PRMT8: variants seen among roughly 807,000 people sequenced by gnomAD.
The protein encoded by PRMT8 is protein arginine methyltransferase 8, also known as protein arginine N-methyltransferase 8.
Under a neutral mutation model 47.1 loss-of-function variants are expected in PRMT8, and 7 were observed. The ratio of observed to expected loss-of-function variants is 0.15; its 90% CI spans 0.08 to 0.28. The LOEUF (loss-of-function observed/expected upper bound fraction) is 0.28. Among genes scored for constraint, PRMT8 ranks in the 10% least tolerant of loss-of-function variants. The pLI, the probability that PRMT8 is intolerant of heterozygous loss-of-function variation, is 1.00. For synonymous variants in PRMT8, 188 were observed against 186.5 expected (o/e 1.01, Z -0.07); for missense variants, 237 against 505.4 (o/e 0.47, Z 5.09).
In PRMT8 at chr12:3,565,814, T is replaced by C. The variant is rs1447655702; in HGVS notation, c.482-2892T>C. Among the ~76,000 whole-genome samples, 5 of 152,170 alleles carry C rather than the reference T, an allele frequency of 3.3e-5. No individual in the cohort carries two copies. In the South Asian group the frequency reaches 6.2e-4, roughly 19 times the overall value. On this transcript the variant is annotated intron_variant, in intron 4 of 9. Transcript: ENST00000382622. The stretch of plus-strand genomic sequence containing the variant: ...GCAGTAACTCTCTTTGGGGGACACC[T>C]GAGGAATATTTCATACATACCTGTT...
intron 6 of PRMT8, among the ~76,000 whole-genome samples, chr12:3,575,299 C>T (rs924260917): frequency 4.6e-5 from 7 of 152,152 alleles, no homozygotes; most frequent in African/African-American, 7.2e-5. Flanking sequence ...ACATACGTTC[C>T]CTAAGGTCCT....
chr12:3,528,932 A>G (rs1865985289), intron 1 of PRMT8, among the ~76,000 whole-genome samples: 1 of 152,172 alleles, frequency 6.6e-6, no homozygotes, highest in Non-Finnish European at 1.5e-5. Context: ...TGAATTATGA[A>G]GTTTTTACTC....
chr12:3,526,870 T>C (rs1345968039), intron 1 of PRMT8, among the ~76,000 whole-genome samples: 2 of 152,212 alleles, frequency 1.3e-5, no homozygotes, highest in Non-Finnish European at 2.9e-5. Context: ...TTTAAGCTTT[T>C]ATTATGTTAA....
At chr12:3,513,772 G>T (rs1299034626) in intron 1 of PRMT8, among the ~76,000 whole-genome samples, 1 of 152,184 alleles carries the variant, frequency 6.6e-6, no homozygotes, top group Non-Finnish European at 1.5e-5. Context: ...CAGAATATGG[G>T]TATAGAGAGC....
At chr12:3,429,006 C>G (rs1864642162) in intron 1 of PRMT8, among the ~76,000 whole-genome samples, 1 of 152,116 alleles carries the variant, frequency 6.6e-6, no homozygotes, top group Non-Finnish European at 1.5e-5. Context: ...GTCTCTTCCT[C>G]TCTCTCTGAC....
At chr12:3,419,326 C>T (rs1403264301) in intron 1 of PRMT8, among the ~76,000 whole-genome samples, 2 of 152,208 alleles carry the variant, frequency 1.3e-5, no homozygotes, top group Admixed American at 1.3e-4. Flanking sequence ...CTACAGCCTT[C>T]AGCTGGAGGA....
intron 1 of PRMT8, among the ~76,000 whole-genome samples, chr12:3,498,021 T>C (rs1865534806): frequency 6.6e-6 from 1 of 152,238 alleles, no homozygotes; most frequent in Non-Finnish European, 1.5e-5. Context: ...GTGCCAACTT[T>C]CTGGTATATC....
At chr12:3,531,954 A>G (rs1251963765) in intron 1 of PRMT8, among the ~76,000 whole-genome samples, 1 of 152,138 alleles carries the variant, frequency 6.6e-6, no homozygotes, top group Admixed American at 6.5e-5. Context: ...AGAAGGCCTG[A>G]AGCTGTCCTC....
intron 1 of PRMT8, among the ~76,000 whole-genome samples, chr12:3,467,245 A>G (rs1865109281): frequency 6.7e-6 from 1 of 150,018 alleles, no homozygotes. Flanking sequence ...ATCTCAAAAA[A>G]AAAAAAAAAA....
Position 3,535,550 on chromosome 12 carries a change from A to G in PRMT8, c.76-5056A>G, listed in dbSNP as rs1267943312. On this transcript the variant is annotated intron_variant, in intron 1 of 9. Transcript: ENST00000382622. This position sits in a 1 kb window ranked among gnomAD's most constrained non-coding sequence, Gnocchi z 4.7. ...GACGGAGGTGGGGAAAGAGCAAGGC[A>G]GGGTGCTTTCTCTGCCCTGGGGCCC... 6.6e-6 allele frequency among the ~76,000 whole-genome samples: 1 copy of G among 152,008 alleles called. No individual in the cohort carries two copies. The highest frequency in any genetic ancestry group is 2.4e-5 in the African/African-American group (1 of 41,420).
rs368732905 is a variant in PRMT8 at position 3,436,816 on chromosome 12, C to T, written c.48+55374C>T. Among the ~76,000 whole-genome samples the T allele has an allele frequency of 2.0e-4, 31 of 152,318 alleles. No individual in the cohort carries two copies. The South Asian group carries it at 3.5e-3, about 17-fold the overall frequency. On this transcript the variant is annotated intron_variant, in intron 1 of 9. Transcript: ENST00000452611. This position sits in a 1 kb window ranked among gnomAD's most constrained non-coding sequence, Gnocchi z 4.2. ...GAAGCGGATCCAGCAGGCAAGGCTG[C>T]GATTTCTCTCTACTGATGCTGTGGC...
In PRMT8 at chr12:3,593,771, C is replaced by G. The variant is rs1867368155; in HGVS notation, c.*589C>G. On this transcript the variant is annotated 3_prime_UTR_variant, in exon 10 of 10. Transcript: ENST00000382622. The surrounding 1 kb of genome is among the most constrained non-coding windows in gnomAD (Gnocchi z 4.8). ...GCGCGTGTGCCTAGAATATATATTA[C>G]TCTCAGAGGAGATTCTGTTGCTTTT... 6.5e-6 allele frequency: 1 copy of G among 153,176 alleles called. No homozygotes were observed. Among genetic ancestry groups the G allele is most frequent in the Admixed American group, 6.5e-5 (1 of 15,288 alleles). 9.5% of individuals were successfully genotyped at this position (153,176 alleles called of 1,614,324 possible). A position where few individuals can be genotyped will look rare whatever the true frequency, so the allele number is the denominator to read the frequency against.
chr12:3,420,817 C>T (rs6489464), intron 1 of PRMT8, among the ~76,000 whole-genome samples: 10,595 of 152,242 alleles, frequency 0.07, 418 homozygotes, highest in African/African-American at 0.11. Context: ...TAGATGAAAT[C>T]GAGTCTTGAC....
At chr12:3,431,754 G>T (rs1278408949) in intron 1 of PRMT8, among the ~76,000 whole-genome samples, 1 of 152,216 alleles carries the variant, frequency 6.6e-6, no homozygotes, top group Non-Finnish European at 1.5e-5. Flanking sequence ...TGAGCCAAGG[G>T]TTGTGAACTG....
intron 1 of PRMT8, among the ~76,000 whole-genome samples, chr12:3,534,301 T>G (rs1010364831): frequency 6.6e-6 from 1 of 152,256 alleles, no homozygotes; most frequent in South Asian, 2.1e-4. Flanking sequence ...AAGCTTGGGC[T>G]GGTGCCAGCA....
At chr12:3,546,081 A>G (rs1866323901) in intron 2 of PRMT8, among the ~76,000 whole-genome samples, 4 of 152,232 alleles carry the variant, frequency 2.6e-5, no homozygotes, top group Admixed American at 2.6e-4. Context: ...AGTAGGCAGC[A>G]CTCTGCTAAA....
chr12:3,417,314 G>T (rs528074285), intron 1 of PRMT8, among the ~76,000 whole-genome samples: 1 of 152,222 alleles, frequency 6.6e-6, no homozygotes, highest in East Asian at 1.9e-4. Context: ...AACAAATCTT[G>T]CCTTCCCTGG....
At chr12:3,591,242 A>G (rs1277275380) in intron 8 of PRMT8, among the ~76,000 whole-genome samples, 2 of 152,090 alleles carry the variant, frequency 1.3e-5, no homozygotes, top group Non-Finnish European at 2.9e-5. Flanking sequence ...GCTTTGGGTC[A>G]TACAGGATGA....
At position 3,552,393 on chromosome 12, in the gene PRMT8, T is replaced by C. The variant is rs876594; in HGVS notation, c.418-1258T>C. 92,409 of 205,736 alleles carry C rather than the reference T, an allele frequency of 0.45. 21,326 individuals carry two copies. The highest frequency in any genetic ancestry group is 0.63 in the East Asian group (4,447 of 7,066). 12.7% of individuals were successfully genotyped at this position (205,736 alleles called of 1,614,324 possible). Reference sequence around the variant, plus strand: ...TTTACCCTCACACACTCACGTGCATTGGGGGCTTCGACTTCTCTCGGGAGG... The same window carrying C: ...TTTACCCTCACACACTCACGTGCATCGGGGGCTTCGACTTCTCTCGGGAGG... On this transcript the variant is annotated intron_variant, in intron 3 of 9. Coordinates refer to ENST00000382622, the MANE Select transcript of PRMT8 (RefSeq NM_019854.5). This position sits in a 1 kb window ranked among gnomAD's most constrained non-coding sequence, Gnocchi z 4.5.
Sources: allele counts gnomAD v4.1 joint callset (sites outside exome capture counted in the v4.1 genomes callset), GRCh38; gene constraint gnomAD v4.1.1; non-coding constraint Gnocchi (gnomAD v3.1); transcripts MANE v1.5; gene names NCBI Gene and HGNC (gene_info 2026-07-23, HGNC 2026-07-21).